LIPA: variants seen among roughly 807,000 people sequenced by gnomAD.
The protein encoded by LIPA is lipase A, lysosomal acid type, also known as lysosomal acid lipase/cholesteryl ester hydrolase.
In LIPA, 26 loss-of-function variants were observed where a neutral mutation model predicts 40.6. The ratio of observed to expected loss-of-function variants is 0.64; its 90% CI spans 0.47 to 0.89. LIPA has a LOEUF of 0.89. Ranked by LOEUF, LIPA falls within the 40% of genes least tolerant of loss-of-function variation. LIPA has a pLI of 0.00. For synonymous variants in LIPA, 188 were observed against 168.4 expected (o/e 1.12, Z -0.90); for missense variants, 455 against 479.6 (o/e 0.95, Z 0.48).
At chr10:89,312,250 G>GGGCTCGA (rs1483944907) in intron 1 of LIPA, among the ~76,000 whole-genome samples, 1 of 152,132 alleles carries the variant, frequency 6.6e-6, no homozygotes, top group African/African-American at 2.4e-5. Context: ...AGACCAGCCT[G>GGGCTCGA]GACAGCATGG....
chr10:89,300,587 G>A (rs1843439230), intron 1 of LIPA, among the ~76,000 whole-genome samples: 1 of 152,202 alleles, frequency 6.6e-6, no homozygotes, highest in South Asian at 2.1e-4. Flanking sequence ...GGGGCTTGGG[G>A]AAGCCAAGAA....
intron 1 of LIPA, among the ~76,000 whole-genome samples, chr10:89,288,488 G>A (rs1472892746): frequency 6.6e-6 from 1 of 152,090 alleles, no homozygotes; most frequent in Non-Finnish European, 1.5e-5. Context: ...TTACACAAGA[G>A]CCAGGACTGC....
chr10:89,403,533 A>G, intron 2 of LIPA: 4 of 1,614,012 alleles, frequency 2.5e-6, no homozygotes, highest in Non-Finnish European at 3.4e-6. Flanking sequence ...TAAAAGTATC[A>G]ATTCTTTGAA....
At chr10:89,235,289 T>TGG (rs947080165) in intron 3 of LIPA, among the ~76,000 whole-genome samples, 7 of 152,216 alleles carry the variant, frequency 4.6e-5, no homozygotes, top group Non-Finnish European at 8.8e-5. Flanking sequence ...GGTCAAGGGC[T>TGG]GCCTTCCCCA....
At chr10:89,332,863 A>C (rs886586666) in intron 1 of LIPA, among the ~76,000 whole-genome samples, 24 of 152,184 alleles carry the variant, frequency 1.6e-4, no homozygotes, top group African/African-American at 5.3e-4. Flanking sequence ...GGGCATATTG[A>C]GAGATCCTAG....
upstream of LIPA, among the ~76,000 whole-genome samples, chr10:89,344,402 G>A (rs1843898552): frequency 6.6e-6 from 1 of 152,178 alleles, no homozygotes; most frequent in Non-Finnish European, 1.5e-5. Flanking sequence ...GTGGTACATT[G>A]TATCATAGAA....
At chr10:89,409,749 G>A (rs7100580) in intron 2 of LIPA, among the ~76,000 whole-genome samples, 1 of 152,108 alleles carries the variant, frequency 6.6e-6, no homozygotes, top group Admixed American at 6.5e-5. Flanking sequence ...CCTGTAACCA[G>A]GTGTTTCTCC....
intron 1 of LIPA, among the ~76,000 whole-genome samples, chr10:89,296,828 C>G (rs994631517): frequency 6.6e-6 from 1 of 152,104 alleles, no homozygotes; most frequent in Admixed American, 6.5e-5. Flanking sequence ...ATGATTACCC[C>G]CTTTGTGACT....
At chr10:89,331,407 A>C (rs1484242610) in intron 1 of LIPA, among the ~76,000 whole-genome samples, 1 of 152,136 alleles carries the variant, frequency 6.6e-6, no homozygotes, top group Non-Finnish European at 1.5e-5. Flanking sequence ...TCCTGACCTT[A>C]AGTGATGCAC....
chr10:89,393,386 C>T (rs369764338), intron 2 of LIPA: 14 of 988,598 alleles, frequency 1.4e-5, no homozygotes, highest in South Asian at 7.9e-5. Context: ...TGGGAAGATC[C>T]GTATCTTCCT....
chr10:89,330,852 G>T (rs1458456739), intron 1 of LIPA, among the ~76,000 whole-genome samples: 1 of 152,150 alleles, frequency 6.6e-6, no homozygotes, highest in African/African-American at 2.4e-5. Context: ...CTCAAAATGT[G>T]GTACAGGAAC....
intron 1 of LIPA, chr10:89,340,325 G>A (rs531694737): frequency 7.5e-5 from 36 of 477,346 alleles, no homozygotes; most frequent in African/African-American, 3.6e-4. Flanking sequence ...TTGGGAGGCC[G>A]AGGTGGGCGG....
upstream of LIPA, among the ~76,000 whole-genome samples, chr10:89,255,700 G>C (rs181878599): frequency 2.6e-5 from 4 of 152,316 alleles, no homozygotes; most frequent in East Asian, 7.7e-4. Flanking sequence ...GGCACTAATG[G>C]AGTTGCCATG....
At chr10:89,328,307 G>A (rs12242873) in intron 1 of LIPA, among the ~76,000 whole-genome samples, 1 of 152,176 alleles carries the variant, frequency 6.6e-6, no homozygotes, top group Non-Finnish European at 1.5e-5. Context: ...AACTACATGG[G>A]GGGAGGCAGG....
intron 1 of LIPA, among the ~76,000 whole-genome samples, chr10:89,334,478 C>CTTTTTTT (rs578154457): frequency 9.9e-4 from 25 of 25,330 alleles, no homozygotes; most frequent in Non-Finnish European, 1.2e-3. Context: ...TTCTTTTATT[C>CTTTTTTT]TTTTTTTTTT....
At chr10:89,384,514 C>T in intron 2 of LIPA, 1 of 1,613,794 alleles carries the variant, frequency 6.2e-7, no homozygotes, top group Non-Finnish European at 8.5e-7. Flanking sequence ...AGCAATTACC[C>T]ATTATTTAAA....
At chr10:89,232,838 G>A (rs531812246) in intron 3 of LIPA, among the ~76,000 whole-genome samples, 2 of 152,372 alleles carry the variant, frequency 1.3e-5, no homozygotes, top group South Asian at 4.1e-4. Context: ...CATCAGGAAA[G>A]TCTTTAAACA....
Position 89,247,845 on chromosome 10 carries a change from A to ATTTT in LIPA, c.-1-200_-1-197dup, listed in dbSNP as rs1174036645. ...TTTTAAATTTTATTTATTTATTTTT[A>ATTTT]TTTTATTTATTTATTTATTTATTTA... On this transcript the variant is annotated intron_variant, in intron 1 of 9. Coordinates refer to ENST00000336233, the MANE Select transcript of LIPA (RefSeq NM_000235.4). 3.1e-4 allele frequency: 49 copies of ATTTT among 156,612 alleles called. 1 individual carries two copies. The Admixed American group carries it at 3.5e-3, about 11-fold the overall frequency. 9.7% of individuals were successfully genotyped at this position (156,612 alleles called of 1,614,324 possible).
intron 8 of LIPA, among the ~76,000 whole-genome samples, chr10:89,220,194 C>T (rs1842679888): frequency 6.6e-6 from 1 of 152,198 alleles, no homozygotes. Flanking sequence ...CATCCCAGGT[C>T]TGGTGGCCAT....
Sources: allele counts gnomAD v4.1 joint callset (sites outside exome capture counted in the v4.1 genomes callset), GRCh38; gene constraint gnomAD v4.1.1; transcripts MANE v1.5; gene names NCBI Gene and HGNC (gene_info 2026-07-23, HGNC 2026-07-21).